NXPH1: variants seen among roughly 807,000 people sequenced by gnomAD.
NXPH1 encodes neurexophilin-1.
In NXPH1, 5 loss-of-function variants were observed where a neutral mutation model predicts 23.7. That is an observed-to-expected ratio of 0.21 (90% confidence interval 0.11 to 0.44). NXPH1 has a LOEUF of 0.44. Ranked by LOEUF, NXPH1 falls within the 20% of genes least tolerant of loss-of-function variation. NXPH1 has a pLI of 0.99. For synonymous variants in NXPH1, 144 were observed against 122.2 expected (o/e 1.18, Z -1.18); for missense variants, 324 against 321.6 (o/e 1.01, Z -0.06).
At chr7:8,450,498 TA>T (rs1462156630) in intron 2 of NXPH1, among the ~76,000 whole-genome samples, 1 of 152,264 alleles carries the variant, frequency 6.6e-6, no homozygotes, top group Non-Finnish European at 1.5e-5. Flanking sequence ...CAATATTTTA[TA>T]GAATTATTCA....
chr7:8,690,197 G>A (rs1178583630), intron 2 of NXPH1: 2 of 152,184 alleles, frequency 1.3e-5, no homozygotes, highest in Non-Finnish European at 2.9e-5. Context: ...GAGTGCAAAG[G>A]ATTTAGGTTA....
intron 2 of NXPH1, among the ~76,000 whole-genome samples, chr7:8,686,735 C>T (rs1821151044): frequency 1.3e-5 from 2 of 152,038 alleles, no homozygotes; most frequent in South Asian, 4.1e-4. Flanking sequence ...GGAGAATAAT[C>T]TTTAAAATGC....
chr7:8,680,911 C>G (rs374153048), intron 2 of NXPH1, among the ~76,000 whole-genome samples: 1 of 152,132 alleles, frequency 6.6e-6, no homozygotes, highest in Non-Finnish European at 1.5e-5. Flanking sequence ...GATCACATGA[C>G]CTAAAGGTAT....
intron 2 of NXPH1, among the ~76,000 whole-genome samples, chr7:8,455,515 A>T (rs1018085110): frequency 1.3e-5 from 2 of 152,200 alleles, no homozygotes; most frequent in Non-Finnish European, 2.9e-5. Context: ...TTTCCTAGCC[A>T]GGACATTTCA....
In NXPH1 at chr7:8,583,077, G is replaced by A. The variant is rs577235888; in HGVS notation, c.54+147310G>A. On this transcript the variant is annotated intron_variant, in intron 2 of 2. Transcript: ENST00000405863. ...GCATACACTTGGCCGGGTTGTGACA[G>A]TGCCCAGGCTTGGTGACAGATCCCA... Among the ~76,000 whole-genome samples the A allele has an allele frequency of 3.0e-3, 459 of 152,146 alleles. 3 individuals are homozygous for A. Among genetic ancestry groups the A allele is most frequent in the African/African-American group, 0.01 (423 of 41,382 alleles).
intron 2 of NXPH1, among the ~76,000 whole-genome samples, chr7:8,710,687 G>C (rs549657209): frequency 0.033 from 2,773 of 83,938 alleles, 99 homozygotes; most frequent in Middle Eastern, 0.056. Context: ...ACGGAGTCTC[G>C]CTCTGTCGCC....
chr7:8,585,130 AC>A (rs1818955411), intron 2 of NXPH1, among the ~76,000 whole-genome samples: 1 of 152,058 alleles, frequency 6.6e-6, no homozygotes, highest in Non-Finnish European at 1.5e-5. Context: ...AATTTGGGGG[AC>A]TTTCTCTAAA....
At chr7:8,468,062 AAAGC>A (rs1816813215) in intron 2 of NXPH1, among the ~76,000 whole-genome samples, 1 of 152,152 alleles carries the variant, frequency 6.6e-6, no homozygotes, top group South Asian at 2.1e-4. Flanking sequence ...CCATTTAAAT[AAAGC>A]AAGAAAGATA....
At chr7:8,527,633 C>A (rs1424923316) in intron 2 of NXPH1, among the ~76,000 whole-genome samples, 1 of 152,190 alleles carries the variant, frequency 6.6e-6, no homozygotes, top group Non-Finnish European at 1.5e-5. Flanking sequence ...TTGAATGAGA[C>A]TTTTCCGTGG....
At chr7:8,744,234 G>A (rs1300182151) in intron 2 of NXPH1, among the ~76,000 whole-genome samples, 1 of 152,176 alleles carries the variant, frequency 6.6e-6, no homozygotes, top group Non-Finnish European at 1.5e-5. Context: ...CTGAAACAAT[G>A]AGACACATCA....
At chr7:8,455,047 T>C (rs1223521886) in intron 2 of NXPH1, among the ~76,000 whole-genome samples, 5 of 152,104 alleles carry the variant, frequency 3.3e-5, no homozygotes, top group African/African-American at 1.2e-4. Flanking sequence ...CCATTAACAG[T>C]AGAGTAAATT....
chr7:8,719,785 A>G (rs1422467284), intron 2 of NXPH1, among the ~76,000 whole-genome samples: 2 of 152,210 alleles, frequency 1.3e-5, no homozygotes, highest in African/African-American at 4.8e-5. Context: ...ATACTTTTAT[A>G]CAAAACTAAC....
intron 2 of NXPH1, among the ~76,000 whole-genome samples, chr7:8,451,720 C>A (rs1299516985): frequency 6.6e-6 from 1 of 152,198 alleles, no homozygotes; most frequent in Non-Finnish European, 1.5e-5. Context: ...AAACAACCCT[C>A]CTCTTATATT....
intron 2 of NXPH1, among the ~76,000 whole-genome samples, chr7:8,547,633 A>C (rs1265535534): frequency 6.6e-6 from 1 of 151,192 alleles, no homozygotes; most frequent in East Asian, 2.0e-4. Context: ...GTAGTTTTTA[A>C]ACCCTTTTCC....
At chr7:8,560,030 G>A (rs1283799836) in intron 2 of NXPH1, among the ~76,000 whole-genome samples, 1 of 151,694 alleles carries the variant, frequency 6.6e-6, no homozygotes, top group African/African-American at 2.4e-5. Context: ...CATTATTTAT[G>A]AAGAAAACAA....
At chr7:8,473,848 C>T (rs141732936) in intron 2 of NXPH1, among the ~76,000 whole-genome samples, 4,163 of 152,056 alleles carry the variant, frequency 0.027, 88 homozygotes, top group Middle Eastern at 0.045. Context: ...TGAATCTACC[C>T]CCAAAGAACC....
chr7:8,484,402 C>T (rs1817124995), intron 2 of NXPH1, among the ~76,000 whole-genome samples: 1 of 151,970 alleles, frequency 6.6e-6, no homozygotes, highest in Non-Finnish European at 1.5e-5. Context: ...ATGGCAATGC[C>T]TGTGACTGAG....
intron 2 of NXPH1, among the ~76,000 whole-genome samples, chr7:8,634,839 T>G (rs974892962): frequency 6.6e-6 from 1 of 152,082 alleles, no homozygotes; most frequent in Non-Finnish European, 1.5e-5. Context: ...CTCTGATAAT[T>G]TCCCCAAGAA....
chr7:8,741,196 C>T (rs1780354394), intron 2 of NXPH1, among the ~76,000 whole-genome samples: 1 of 152,282 alleles, frequency 6.6e-6, no homozygotes, highest in African/African-American at 2.4e-5. Context: ...GTAGGTTCAT[C>T]CATGCTGCTA....
Sources: allele counts gnomAD v4.1 joint callset (sites outside exome capture counted in the v4.1 genomes callset), GRCh38; gene constraint gnomAD v4.1.1; transcripts MANE v1.5; gene names NCBI Gene and HGNC (gene_info 2026-07-23, HGNC 2026-07-21).